The following TRMT9B variants were observed in gnomAD, a reference collection of about 807,000 sequenced individuals.
TRMT9B encodes the protein probable tRNA methyltransferase 9B.
In TRMT9B, 16 loss-of-function variants were observed where a neutral mutation model predicts 11.5. That is an observed-to-expected ratio of 1.39 (90% confidence interval 0.94 to 2.11). TRMT9B has a LOEUF of 2.11. Ranked by LOEUF, TRMT9B falls within the 30% of genes most tolerant of loss-of-function variation. The pLI is 0.00. For missense variants in TRMT9B, 941 were observed against 553.8 expected (o/e 1.70, Z -7.02); for synonymous variants, 274 against 192.4 (o/e 1.42, Z -3.51).
At chr8:13,009,261 G>C (rs115818807) in intron 3 of TRMT9B, among the ~76,000 whole-genome samples, 108 of 152,196 alleles carry the variant, frequency 7.1e-4, no homozygotes, top group African/African-American at 2.6e-3. Context: ...GTCGAAGCGG[G>C]TGGGGTAGGT....
At chr8:12,991,447 G>A (rs770875964) in intron 2 of TRMT9B, among the ~76,000 whole-genome samples, 20 of 152,282 alleles carry the variant, frequency 1.3e-4, no homozygotes, top group Admixed American at 3.3e-4. Context: ...TCTTTTAACT[G>A]TTCGGACCAA....
chr8:12,990,170 C>T (rs1412989402), intron 1 of TRMT9B, among the ~76,000 whole-genome samples: 2 of 152,118 alleles, frequency 1.3e-5, no homozygotes, highest in East Asian at 1.9e-4. Flanking sequence ...TGGTTGCAGG[C>T]TGGGACTTAG....
intron 2 of TRMT9B, among the ~76,000 whole-genome samples, chr8:12,991,252 G>C (rs1038605755): frequency 2.6e-5 from 4 of 152,124 alleles, no homozygotes; most frequent in African/African-American, 9.7e-5. Context: ...AGCATTTTTA[G>C]AAAGCAAAAT....
intron 1 of TRMT9B, among the ~76,000 whole-genome samples, chr8:12,984,446 AC>A (rs1336105410): frequency 1.3e-5 from 2 of 152,114 alleles, no homozygotes; most frequent in African/African-American, 4.8e-5. Flanking sequence ...ATGGTTGAAA[AC>A]CATGATCTTC....
At chr8:13,015,132 T>G (rs1008935101) in intron 4 of TRMT9B, among the ~76,000 whole-genome samples, 1 of 151,914 alleles carries the variant, frequency 6.6e-6, no homozygotes, top group Non-Finnish European at 1.5e-5. Context: ...GTGGACTGCT[T>G]GGTCTTCTTT....
intron 1 of TRMT9B, among the ~76,000 whole-genome samples, chr8:12,957,110 G>A (rs1460540139): frequency 3.9e-5 from 6 of 152,194 alleles, no homozygotes; most frequent in Non-Finnish European, 8.8e-5. Context: ...AGAGAAAGTG[G>A]TGTATTCTCT....
chr8:13,006,350 G>A lies in TRMT9B; in HGVS notation c.148G>A (p.Asp50Asn). The A allele has an allele frequency of 1.3e-6, 2 of 1,593,534 alleles. No homozygotes were observed. Among genetic ancestry groups the A allele is most frequent in the Non-Finnish European group, 8.5e-7 (1 of 1,171,520 alleles). ...GCAGAAGCCAGGCAGCCTCATCGCT[G>A]ACATAGGTAACCAGGCAGCCTCATC... ...QEQKPGSLIADIGCGTGKYLK... is the reference protein window; with the variant it reads ...QEQKPGSLIANIGCGTGKYLK... Residue 50 changes from aspartate to asparagine, a missense_variant, in exon 3 of 5, where the codon GAC (aspartate) becomes AAC (asparagine). By Grantham distance (23) the Asp-to-Asn change is conservative. Transcript: ENST00000524591.
chr8:13,010,180 C>G (rs1288407761), intron 3 of TRMT9B: 4 of 823,822 alleles, frequency 4.9e-6, no homozygotes, highest in African/African-American at 3.7e-5. Flanking sequence ...CTTTAAATAC[C>G]TCTGTGCAAA....
chr8:12,987,386 A>G (rs1408022176), intron 1 of TRMT9B, among the ~76,000 whole-genome samples: 1 of 152,190 alleles, frequency 6.6e-6, no homozygotes, highest in Admixed American at 6.5e-5. Context: ...AGTTGAAAAT[A>G]TTATAAGTCA....
At chr8:12,960,299 G>C (rs1478041535) in intron 1 of TRMT9B, 2 of 152,212 alleles carry the variant, frequency 1.3e-5, no homozygotes, top group Non-Finnish European at 2.9e-5. Flanking sequence ...CCAAGCTTAA[G>C]AAAATATATC....
At chr8:13,012,351 C>G (rs1008919319) in intron 3 of TRMT9B, 1 of 856,352 alleles carries the variant, frequency 1.2e-6, no homozygotes, top group South Asian at 5.1e-5. Context: ...CCGAGGCAGG[C>G]GGATCACCTG....
intron 4 of TRMT9B, among the ~76,000 whole-genome samples, chr8:13,015,510 C>G (rs1002739083): frequency 2.0e-5 from 3 of 152,222 alleles, no homozygotes; most frequent in Admixed American, 2.0e-4. Flanking sequence ...CATCACCATG[C>G]CTGGCTAATT....
chr8:12,947,736 C>G (rs578084388), intron 1 of TRMT9B, among the ~76,000 whole-genome samples: 1 of 152,326 alleles, frequency 6.6e-6, no homozygotes, highest in African/African-American at 2.4e-5. Flanking sequence ...ACTTAAGAGA[C>G]TTCAGGTGTG....
chr8:13,017,613 G>GGT (rs1812965148), intron 4 of TRMT9B, among the ~76,000 whole-genome samples: 1 of 56,126 alleles, frequency 1.8e-5, no homozygotes, highest in Non-Finnish European at 3.3e-5. Context: ...TCATTTGTAG[G>GGT]CTTTTTTTTT....
intron 1 of TRMT9B, among the ~76,000 whole-genome samples, chr8:12,984,952 CAT>C (rs778709745): frequency 0.18 from 20,182 of 112,942 alleles, 1,981 homozygotes; most frequent in African/African-American, 0.35. Context: ...CCTCCCTCAA[CAT>C]ACACACACAC....
intron 2 of TRMT9B, among the ~76,000 whole-genome samples, chr8:13,000,741 C>T (rs976931433): frequency 3.9e-5 from 6 of 152,150 alleles, no homozygotes; most frequent in African/African-American, 1.4e-4. Flanking sequence ...GTGTCAGCAT[C>T]CTTGCACGCT....
intron 1 of TRMT9B, among the ~76,000 whole-genome samples, chr8:12,978,112 A>G (rs1804744589): frequency 6.6e-6 from 1 of 152,228 alleles, no homozygotes; most frequent in Non-Finnish European, 1.5e-5. Context: ...GAAGAGAGAA[A>G]GCAAATAAGC....
intron 1 of TRMT9B, among the ~76,000 whole-genome samples, chr8:12,975,813 T>A (rs1183412634): frequency 1.6e-4 from 25 of 152,176 alleles, no homozygotes; most frequent in Non-Finnish European, 3.1e-4. Flanking sequence ...TTCCTTCAAT[T>A]GATGATAATC....
Position 13,007,878 on chromosome 8 carries a change from A to T in TRMT9B, c.154+1522A>T, listed in dbSNP as rs1337870501. On this transcript the variant is annotated intron_variant, in intron 3 of 4. Coordinates refer to ENST00000524591, the MANE Select transcript of TRMT9B (RefSeq NM_020844.3). ...GAAAATGAGCTCATTAAAGGACTAA[A>T]TGACTAGATTGTTATTTAAAATATT... 3.3e-5 allele frequency among the ~76,000 whole-genome samples: 5 copies of T among 152,226 alleles called. No individual in the cohort carries two copies. In the South Asian group the frequency reaches 1.0e-3, roughly 32 times the overall value.
Sources: gnomAD v4.1 joint callset for allele counts (sites outside exome capture counted in the v4.1 genomes callset) on GRCh38, gnomAD v4.1.1 for gene constraint, MANE v1.5 for transcripts, NCBI Gene and HGNC (gene_info 2026-07-23, HGNC 2026-07-21) for gene names.